Variants in SMARCAL1 observed in about 807,000 individuals in gnomAD.
SMARCAL1 encodes ATP-driven annealing helicase.
A neutral mutation model predicts 94.5 loss-of-function variants in SMARCAL1; 58 were observed. The observed-to-expected ratio is 0.61, with a 90% CI of 0.50 to 0.76. The LOEUF is 0.76. Among genes scored for constraint, SMARCAL1 ranks in the 30% least tolerant of loss-of-function variants. The pLI is 0.00. For synonymous variants in SMARCAL1, 422 were observed against 455.1 expected, an observed-to-expected ratio of 0.93 and a Z score of 0.93; for missense variants, 1,051 against 1,177.9, an observed-to-expected ratio of 0.89 and a Z score of 1.58.
At position 216,454,887 on chromosome 2, in the gene SMARCAL1, G is replaced by A. The variant is rs140978715; in HGVS notation, c.2070+3823G>A. On this transcript the variant is annotated intron_variant, in intron 12 of 17. Coordinates refer to ENST00000357276, the MANE Select transcript of SMARCAL1 (RefSeq NM_014140.4). ...TGGGTGCAGCACACCGAGCGTGAGC[G>A]GAAGCAGGGCGAGGCATCGCCTCAC... Among the ~76,000 whole-genome samples, 459 of 152,320 alleles carry A rather than the reference G, an allele frequency of 3.0e-3. 6 individuals carry two copies. Among genetic ancestry groups the A allele is most frequent in the East Asian group, 0.026 (133 of 5,180 alleles).
chr2:216,461,474 G>A (rs966457586), intron 12 of SMARCAL1, among the ~76,000 whole-genome samples: 11 of 152,006 alleles, frequency 7.2e-5, no homozygotes, highest in African/African-American at 2.4e-4. Flanking sequence ...ACGTCAAGTG[G>A]GAAGGAAAAC....
At chr2:216,429,428 T>C (rs990744798) in intron 7 of SMARCAL1, among the ~76,000 whole-genome samples, 1 of 152,220 alleles carries the variant, frequency 6.6e-6, no homozygotes, top group Non-Finnish European at 1.5e-5. Context: ...GTCAAGGTGC[T>C]CTTATTAGAG....
chr2:216,452,682 T>A (rs879928555), intron 12 of SMARCAL1, among the ~76,000 whole-genome samples: 3 of 152,160 alleles, frequency 2.0e-5, no homozygotes, highest in Non-Finnish European at 4.4e-5. Context: ...GCACATTAAC[T>A]TGTTGAAACA....
At chr2:216,439,140 G>T (rs950938579) in intron 10 of SMARCAL1, among the ~76,000 whole-genome samples, 2 of 152,150 alleles carry the variant, frequency 1.3e-5, no homozygotes, top group Admixed American at 1.3e-4. Flanking sequence ...ATTTCTGAGT[G>T]CTTTGGCGGG....
chr2:216,455,930 G>A lies in SMARCAL1; in HGVS notation c.2070+4866G>A, dbSNP rs1198679318. Among the ~76,000 whole-genome samples the A allele has an allele frequency of 3.3e-5, 5 of 152,164 alleles. 1 individual carries two copies. The highest frequency in any genetic ancestry group is 1.3e-4 in the Admixed American group (2 of 15,276). ...CTAAAGGAGGAAGTTTGAACCCATC[G>A]CAAAGAAGTTAAAAACCTTGAAAAA... On this transcript the variant is annotated intron_variant, in intron 12 of 17. Coordinates refer to ENST00000357276, the MANE Select transcript of SMARCAL1 (RefSeq NM_014140.4).
At chr2:216,476,632 G>T (rs1185031580) in intron 15 of SMARCAL1, among the ~76,000 whole-genome samples, 1 of 152,160 alleles carries the variant, frequency 6.6e-6, no homozygotes, top group South Asian at 2.1e-4. Flanking sequence ...TTATTATAAG[G>T]CTTACCACTA....
At chr2:216,455,062 C>A (rs1694533779) in intron 12 of SMARCAL1, among the ~76,000 whole-genome samples, 1 of 152,254 alleles carries the variant, frequency 6.6e-6, no homozygotes, top group South Asian at 2.1e-4. Flanking sequence ...TATCCCGTGC[C>A]TGGCTCGCAT....
chr2:216,426,590 G>A (rs1255061262), intron 6 of SMARCAL1, among the ~76,000 whole-genome samples: 1 of 149,494 alleles, frequency 6.7e-6, no homozygotes, highest in East Asian at 2.0e-4. Context: ...CCAGAGAAGG[G>A]AAACAGTGGC....
At chr2:216,448,833 A>G (rs1337134301) in intron 11 of SMARCAL1, among the ~76,000 whole-genome samples, 1 of 148,190 alleles carries the variant, frequency 6.7e-6, no homozygotes, top group African/African-American at 2.5e-5. Flanking sequence ...CTCTGTCTCA[A>G]AAAAAAAAAA....
At chr2:216,460,871 T>G (rs1694682353) in intron 12 of SMARCAL1, among the ~76,000 whole-genome samples, 1 of 152,128 alleles carries the variant, frequency 6.6e-6, no homozygotes, top group Non-Finnish European at 1.5e-5. Flanking sequence ...CATCCTTACA[T>G]TTGATATTTG....
intron 12 of SMARCAL1, among the ~76,000 whole-genome samples, chr2:216,460,253 T>A (rs1212562800): frequency 6.6e-6 from 1 of 152,176 alleles, no homozygotes; most frequent in Non-Finnish European, 1.5e-5. Context: ...GTAAACTAGT[T>A]CAACCACTGT....
At chr2:216,412,921 T>C (rs1421658582) in intron 1 of SMARCAL1, 2 of 152,160 alleles carry the variant, frequency 1.3e-5, no homozygotes, top group African/African-American at 4.8e-5. Context: ...GTGGGTCTTA[T>C]GGCCGAGTCT....
chr2:216,481,097 G>A (rs900936935), intron 17 of SMARCAL1, among the ~76,000 whole-genome samples: 3 of 152,166 alleles, frequency 2.0e-5, no homozygotes, highest in African/African-American at 4.8e-5. Flanking sequence ...GGGAGACTAC[G>A]AGAATGCAGG....
intron 14 of SMARCAL1, among the ~76,000 whole-genome samples, chr2:216,469,551 A>G (rs1342837308): frequency 6.6e-6 from 1 of 151,874 alleles, no homozygotes; most frequent in Non-Finnish European, 1.5e-5. Flanking sequence ...CCCAATGGAG[A>G]TTTCTTTATA....
At chr2:216,453,230 T>C (rs1006933089) in intron 12 of SMARCAL1, among the ~76,000 whole-genome samples, 4 of 152,226 alleles carry the variant, frequency 2.6e-5, no homozygotes, top group Admixed American at 2.0e-4. Flanking sequence ...AGAGTTGCTG[T>C]CTGCTTCCTT....
In SMARCAL1 at chr2:216,419,614, G is replaced by A. The variant is rs560984660; in HGVS notation, c.863-685G>A. ...AGGAGTGGGCTTAACTGGGTGATTT[G>A]TGGTGTGCTGACTTCAGTGGCTTCT... On this transcript the variant is annotated intron_variant, in intron 4 of 17. Transcript: ENST00000357276. 3.5e-4 allele frequency among the ~76,000 whole-genome samples: 53 copies of A among 152,286 alleles called. 1 individual carries two copies. In the East Asian group the frequency reaches 0.01, roughly 29 times the overall value.
In SMARCAL1 at chr2:216,477,154, A is replaced by T; in HGVS notation, c.2473A>T (p.Ser825Cys). ...CCGCGTGCACCGCATTGGACAGACC[A>T]GCTCCGTGGGCATTCACTACCTCGT... is the stretch of plus-strand genomic sequence containing the variant. ...EDRVHRIGQT[S>C]SVGIHYLVAK... is the part of the protein sequence containing the mutation. Residue 825 changes from serine to cysteine, a missense_variant, in exon 16 of 18, where the codon AGC becomes TGC. By Grantham distance (112) the Ser-to-Cys change is moderately radical. Around this residue, in one of 3 missense-constraint regions of SMARCAL1, gnomAD observed 642 missense variants for 754.7 expected, o/e 0.85. Transcript: ENST00000357276. 2 of 1,596,356 alleles carry T rather than the reference A, an allele frequency of 1.3e-6. No homozygotes were observed. Among genetic ancestry groups the T allele is most frequent in the Non-Finnish European group, 1.7e-6 (2 of 1,171,566 alleles).
At chr2:216,438,179 C>T (rs1694117777) in intron 9 of SMARCAL1, among the ~76,000 whole-genome samples, 1 of 152,176 alleles carries the variant, frequency 6.6e-6, no homozygotes, top group African/African-American at 2.4e-5. Flanking sequence ...TTCATGAATC[C>T]CACTTTATAG....
intron 11 of SMARCAL1, among the ~76,000 whole-genome samples, chr2:216,448,810 C>T (rs867527855): frequency 3.3e-5 from 5 of 150,780 alleles, no homozygotes; most frequent in East Asian, 2.0e-4. Flanking sequence ...CCAGCCTGGG[C>T]GACAGAGTAA....
Sources: allele counts gnomAD v4.1 joint callset (sites outside exome capture counted in the v4.1 genomes callset), GRCh38; gene constraint gnomAD v4.1.1; regional missense constraint gnomAD v4.1.1; transcripts MANE v1.5; gene names NCBI Gene and HGNC (gene_info 2026-07-23, HGNC 2026-07-21).